The following TSPEAR variants were observed in gnomAD, a reference collection of about 807,000 sequenced individuals.
The protein encoded by TSPEAR is thrombospondin-type laminin G domain and EAR repeat-containing protein.
A neutral mutation model predicts 71.6 loss-of-function variants in TSPEAR; 69 were observed. That is an observed-to-expected ratio of 0.96 (90% CI 0.79 to 1.18). TSPEAR has a LOEUF of 1.18. Ranked by LOEUF, TSPEAR falls within the 50% of genes most tolerant of loss-of-function variation. The probability of loss-of-function intolerance (pLI) is 0.00; values close to 1 mark genes in which losing one functional copy is unlikely to be tolerated. For synonymous variants in TSPEAR, 402 were observed against 387.2 expected, an observed-to-expected ratio of 1.04 and a Z score of -0.45; for missense variants, 971 against 894.9, an observed-to-expected ratio of 1.09 and a Z score of -1.09.
At chr21:44,554,265 A>G (rs782082839) in intron 2 of TSPEAR, among the ~76,000 whole-genome samples, 1 of 152,218 alleles carries the variant, frequency 6.6e-6, no homozygotes, top group Non-Finnish European at 1.5e-5. Context: ...TCTGTAGACC[A>G]GGAAGAGAGC....
chr21:44,591,600 G>A, intron 1 of TSPEAR: 2 of 1,613,682 alleles, frequency 1.2e-6, no homozygotes, highest in South Asian at 2.2e-5. Context: ...TGCAGCAGGA[G>A]GCGGTGCAGC....
chr21:44,683,996 G>A (rs569522018), intron 1 of TSPEAR, among the ~76,000 whole-genome samples: 1 of 152,152 alleles, frequency 6.6e-6, no homozygotes, highest in Non-Finnish European at 1.5e-5. Flanking sequence ...AGGAATCTCA[G>A]AAAGCCCCCA....
intron 1 of TSPEAR, among the ~76,000 whole-genome samples, chr21:44,655,543 CATCACGGA>C (rs1367325703): frequency 1.3e-5 from 2 of 152,230 alleles, no homozygotes; most frequent in African/African-American, 4.8e-5. Flanking sequence ...CAGGAGGACC[CATCACGGA>C]GTCGGGCATG....
chr21:44,651,839 C>T (rs1226048296), intron 1 of TSPEAR, among the ~76,000 whole-genome samples: 1 of 152,130 alleles, frequency 6.6e-6, no homozygotes, highest in Non-Finnish European at 1.5e-5. Context: ...AAGTTCACCT[C>T]TATGGACTAA....
intron 1 of TSPEAR, chr21:44,602,071 C>T (rs939211750): frequency 1.2e-5 from 5 of 420,972 alleles, no homozygotes; most frequent in Admixed American, 3.9e-5. Flanking sequence ...AGCTCAGTGG[C>T]GAGCCCTGCT....
chr21:44,594,171 A>G (rs1980197670), intron 1 of TSPEAR, among the ~76,000 whole-genome samples: 1 of 152,240 alleles, frequency 6.6e-6, no homozygotes, highest in Admixed American at 6.5e-5. Flanking sequence ...CAAGCCACAC[A>G]GTACAGACAT....
intron 2 of TSPEAR, chr21:44,558,251 G>C: frequency 1.2e-6 from 2 of 1,614,146 alleles, no homozygotes; most frequent in Non-Finnish European, 1.7e-6. Context: ...ACACGGAGGA[G>C]GAGGGTCTGC....
Position 44,538,572 on chromosome 21 carries a change from G to A in TSPEAR, c.304-4649C>T, listed in dbSNP as rs587595386. Among the ~76,000 whole-genome samples, 5 of 144,632 alleles carry A rather than the reference G, an allele frequency of 3.5e-5. No individual in the cohort carries two copies. In the South Asian group the frequency reaches 1.2e-3, roughly 35 times the overall value. The allele number at this position is 144,632 out of a possible 152,430, so 94.9% of individuals were successfully genotyped here. On this transcript the variant is annotated intron_variant, in intron 2 of 11. Coordinates refer to ENST00000323084, the MANE Select transcript of TSPEAR (RefSeq NM_144991.3). ...CAGCCCCTCCCTCTCCCCTCGCATT[G>A]CTGCTAAAACGGGCAGAACCCTCGG...
At position 44,522,105 on chromosome 21, in the gene TSPEAR, G is replaced by A. The variant is rs1569162181; in HGVS notation, c.1344C>T (p.Asn448=). 6.2e-7 allele frequency: 1 copy of A among 1,613,882 alleles called. No individual in the cohort carries two copies. Among genetic ancestry groups the A allele is most frequent in the African/African-American group, 1.3e-5 (1 of 74,900 alleles). Residue 448 remains asparagine (N), a synonymous_variant, in exon 9 of 12, where the codon AAC becomes AAT. Transcript: ENST00000323084. ...TGTAGATGACACTGTCGATGTTGTG[G>A]TTGTCGCCTGGAACCAAGGGACTGT... ...LAVANHREGD[N]HNIDSVIYKW... is the part of the protein sequence containing the mutation.
At chr21:44,654,837 A>G (rs1985041960) in intron 1 of TSPEAR, among the ~76,000 whole-genome samples, 2 of 119,104 alleles carry the variant, frequency 1.7e-5, no homozygotes, top group South Asian at 5.8e-4. Context: ...GTGCCCTATC[A>G]TTCAGCAGAC....
At chr21:44,702,751 TC>T (rs1346503701) in intron 1 of TSPEAR, 1 of 1,392,268 alleles carries the variant, frequency 7.2e-7, no homozygotes, top group Non-Finnish European at 1.0e-6. Context: ...CCGTGTGTGC[TC>T]CCACCTGGCC....
intron 2 of TSPEAR, among the ~76,000 whole-genome samples, chr21:44,552,554 T>C (rs1478884095): frequency 1.3e-5 from 2 of 152,194 alleles, no homozygotes; most frequent in African/African-American, 4.8e-5. Context: ...AGCAGGCCCC[T>C]GGTCACCAGA....
intron 1 of TSPEAR, among the ~76,000 whole-genome samples, chr21:44,615,549 GT>G (rs56708587): frequency 1.3e-3 from 177 of 136,540 alleles, no homozygotes; most frequent in African/African-American, 4.1e-3. Context: ...ATAACCAAAG[GT>G]TTTTTTTTTT....
At chr21:44,605,710 A>C (rs1399878764) in intron 1 of TSPEAR, among the ~76,000 whole-genome samples, 2 of 152,066 alleles carry the variant, frequency 1.3e-5, no homozygotes, top group Non-Finnish European at 2.9e-5. Flanking sequence ...AAAAGGACAG[A>C]CTCTTCAATA....
chr21:44,650,326 C>T (rs760296764), intron 1 of TSPEAR, among the ~76,000 whole-genome samples: 1 of 152,172 alleles, frequency 6.6e-6, no homozygotes, highest in Non-Finnish European at 1.5e-5. Flanking sequence ...GAAGTGAAGT[C>T]ATTAGTGGGG....
intron 1 of TSPEAR, among the ~76,000 whole-genome samples, chr21:44,615,371 C>T (rs1254636184): frequency 1.3e-5 from 2 of 152,216 alleles, no homozygotes; most frequent in Non-Finnish European, 2.9e-5. Flanking sequence ...CGAGGCAGCG[C>T]TCTCTGGCCT....
chr21:44,682,880 A>G (rs557973316), intron 1 of TSPEAR, among the ~76,000 whole-genome samples: 11 of 152,302 alleles, frequency 7.2e-5, no homozygotes, highest in Admixed American at 6.5e-4. Context: ...AGAGAAGCGG[A>G]AAGAAGGATC....
chr21:44,540,055 G>A lies in TSPEAR; in HGVS notation c.304-6132C>T, dbSNP rs184396337. ...GGGCCGGGGCGCAGCAGCTGAGGGC[G>A]CAGCAGTGGGGCTCACAGCAGCTCT... On this transcript the variant is annotated intron_variant, in intron 2 of 11. Coordinates refer to ENST00000323084, the MANE Select transcript of TSPEAR (RefSeq NM_144991.3). 5.3e-5 allele frequency: 86 copies of A among 1,613,342 alleles called. No homozygotes were observed. In the Admixed American group the frequency reaches 6.5e-4, roughly 12 times the overall value.
chr21:44,509,362 C>T lies in TSPEAR; in HGVS notation c.1591G>A (p.Val531Ile). The T allele has an allele frequency of 6.2e-7, 1 of 1,613,682 alleles. No individual in the cohort carries two copies. Among genetic ancestry groups the T allele is most frequent in the Non-Finnish European group, 8.5e-7 (1 of 1,179,948 alleles). ...FPTFGAADWE[V>I]FQIGERIFLA... is the part of the protein sequence containing the mutation. ...AAGATCCTCTCCCCGATCTGGAAGA[C>T]CTCCCAGTCTGCAGCACCGAACGTC... The change falls in exon 10 of 12, where the codon GTC becomes ATC. Residue 531 changes from valine (V) to isoleucine (I), a missense_variant. Val to Ile is a conservative substitution (Grantham distance 29). Transcript: ENST00000323084.
Sources: gnomAD v4.1 joint callset for allele counts (sites outside exome capture counted in the v4.1 genomes callset) on GRCh38, gnomAD v4.1.1 for gene constraint, MANE v1.5 for transcripts, NCBI Gene and HGNC (gene_info 2026-07-23, HGNC 2026-07-21) for gene names.